The following SLC17A5 variants were observed in gnomAD, a reference collection of about 807,000 sequenced individuals.
SLC17A5 encodes the protein sialin.
SLC17A5 carries 47 observed loss-of-function variants against 59.4 expected under a neutral mutation model. The ratio of observed to expected loss-of-function variants is 0.79; its 90% CI spans 0.63 to 1.01. SLC17A5 has a LOEUF of 1.01. Among genes scored for constraint, SLC17A5 ranks in the 50% least tolerant of loss-of-function variants. SLC17A5 has a pLI of 0.00. For missense variants in SLC17A5, 522 were observed against 595.5 expected, an observed-to-expected ratio of 0.88 and a Z score of 1.28; for synonymous variants, 202 against 210.7, an observed-to-expected ratio of 0.96 and a Z score of 0.36.
At chr6:73,620,837 T>C (rs1446889040) in intron 7 of SLC17A5, among the ~76,000 whole-genome samples, 1 of 151,820 alleles carries the variant, frequency 6.6e-6, no homozygotes, top group East Asian at 1.9e-4. Context: ...TTCTCGTGCC[T>C]CAGCCTCCCT....
At chr6:73,608,021 C>T (rs1187224259) in intron 9 of SLC17A5, among the ~76,000 whole-genome samples, 1 of 152,102 alleles carries the variant, frequency 6.6e-6, no homozygotes, top group Non-Finnish European at 1.5e-5. Context: ...AGGTGATCCA[C>T]CCGCCTCAGC....
intron 4 of SLC17A5, among the ~76,000 whole-genome samples, chr6:73,637,868 A>G (rs1389242725): frequency 6.6e-6 from 1 of 152,202 alleles, no homozygotes; most frequent in African/African-American, 2.4e-5. Context: ...AATCTGATAA[A>G]ATTATAATTC....
At chr6:73,641,661 G>A (rs1159353673) in intron 3 of SLC17A5, 30 bp downstream of exon 3, 1 of 1,472,828 alleles carries the variant, frequency 6.8e-7, no homozygotes, top group Non-Finnish European at 9.4e-7. Flanking sequence ...CACACGGTAA[G>A]AAGTAAAACA....
chr6:73,607,639 C>T (rs958128534), intron 9 of SLC17A5, among the ~76,000 whole-genome samples: 78 of 152,260 alleles, frequency 5.1e-4, no homozygotes, highest in African/African-American at 1.8e-3. Flanking sequence ...GGGGGGCCCT[C>T]ATCAGATTCC....
At chr6:73,596,088 G>A (rs1167081356) in intron 10 of SLC17A5, among the ~76,000 whole-genome samples, 1 of 151,834 alleles carries the variant, frequency 6.6e-6, no homozygotes, top group Non-Finnish European at 1.5e-5. Context: ...CTACAGGTGT[G>A]AGCCACCACG....
rs773917103 is a variant in SLC17A5 at position 73,636,720 on chromosome 6, A to G, written c.614-13T>C. The G allele has an allele frequency of 5.1e-6, 8 of 1,570,772 alleles. No homozygotes were observed. The highest frequency in any genetic ancestry group is 6.1e-6 in the Non-Finnish European group (7 of 1,140,542). ...CCAAGCTGTGCTCCTAGAACAACAC[A>G]TAAGACTATTTTATAAACTTTGGAG... On this transcript the variant is annotated splice_polypyrimidine_tract_variant and intron_variant, in intron 4 of 10. Coordinates refer to ENST00000355773, the MANE Select transcript of SLC17A5 (RefSeq NM_012434.5).
chr6:73,653,935 C>G lies in SLC17A5; in HGVS notation c.-49G>C, dbSNP rs1001639733. ...TCGCCACCTGGCAGAGAAGGGAGCG[C>G]CGGCCCGACAGCCCGAAGCCCCCGG... is the stretch of plus-strand genomic sequence containing the variant. On this transcript the variant is annotated 5_prime_UTR_variant, in exon 1 of 11. Coordinates refer to ENST00000355773, the MANE Select transcript of SLC17A5 (RefSeq NM_012434.5). The G allele has an allele frequency of 2.7e-6, 4 of 1,505,958 alleles. No homozygotes were observed. In the African/African-American group the frequency reaches 5.6e-5, roughly 21 times the overall value. The allele number at this position is 1,505,958 out of a possible 1,614,324, so 93.3% of individuals were successfully genotyped here.
intron 3 of SLC17A5, 21 bp downstream of exon 3, chr6:73,641,670 C>T: frequency 6.5e-7 from 1 of 1,537,982 alleles, no homozygotes; most frequent in South Asian, 1.2e-5. Flanking sequence ...AGAAGTAAAA[C>T]AAGAGAGAAA....
At chr6:73,609,638 T>C (rs1767557060) in intron 9 of SLC17A5, among the ~76,000 whole-genome samples, 1 of 152,234 alleles carries the variant, frequency 6.6e-6, no homozygotes, top group African/African-American at 2.4e-5. Flanking sequence ...AGGGAGTTTC[T>C]GCCTTCACAG....
chr6:73,600,515 T>C (rs906778341), intron 9 of SLC17A5, 74 bp from the exon 10 acceptor site: 2 of 1,236,660 alleles, frequency 1.6e-6, no homozygotes, highest in Admixed American at 2.0e-5. Flanking sequence ...CTTCTTTTTT[T>C]TTTTTTTTTT....
intron 6 of SLC17A5, among the ~76,000 whole-genome samples, chr6:73,634,380 C>A (rs1768904293): frequency 6.6e-6 from 1 of 152,024 alleles, no homozygotes; most frequent in Non-Finnish European, 1.5e-5. Flanking sequence ...TATCACGTAC[C>A]TTCCCAATTA....
intron 6 of SLC17A5, among the ~76,000 whole-genome samples, chr6:73,627,630 C>A (rs1031514851): frequency 2.0e-4 from 29 of 143,600 alleles, no homozygotes; most frequent in African/African-American, 8.2e-4. Flanking sequence ...ATTATGAAAG[C>A]ATTTTTTTTT....
At chr6:73,648,812 C>T (rs1440132312) in intron 1 of SLC17A5, among the ~76,000 whole-genome samples, 1 of 151,888 alleles carries the variant, frequency 6.6e-6, no homozygotes, top group Non-Finnish European at 1.5e-5. Flanking sequence ...CCAGTAGGGA[C>T]AGATGGAACA....
chr6:73,650,279 G>GCAGGTGGATCACGTGGT (rs1167795271), intron 1 of SLC17A5, among the ~76,000 whole-genome samples: 1 of 151,524 alleles, frequency 6.6e-6, no homozygotes, highest in Non-Finnish European at 1.5e-5. Context: ...GGAGGCCGAG[G>GCAGGTGGATCACGTGGT]CAGGTGGATC....
chr6:73,642,004 CATATAA>C lies in SLC17A5; in HGVS notation c.292-86_292-81del, dbSNP rs1432770190. The C allele has an allele frequency of 5.5e-5, 67 of 1,228,074 alleles. No homozygotes were observed. The East Asian group carries it at 1.4e-3, about 26-fold the overall frequency. The allele number at this position is 1,228,074 out of a possible 1,614,324, so 76.1% of individuals were successfully genotyped here. ...CTTTTCTCTTACTGGCATGTAAGTA[CATATAA>C]ATGAGATTTTGAACCACTATTTTGG... On this transcript the variant is annotated intron_variant, in intron 2 of 10. Transcript: ENST00000355773.
chr6:73,648,922 G>A lies in SLC17A5; in HGVS notation c.95-4319C>T, dbSNP rs547039364. 8.5e-5 allele frequency among the ~76,000 whole-genome samples: 13 copies of A among 152,124 alleles called. No individual in the cohort carries two copies. The South Asian group carries it at 1.0e-3, about 12-fold the overall frequency. ...AAATGATCTGCAGTATCTAGATTAT[G>A]TATTGTAGTAACTCTAAGAACTAAC... On this transcript the variant is annotated intron_variant, in intron 1 of 10. Transcript: ENST00000355773.
chr6:73,618,382 G>A (rs901372218), intron 7 of SLC17A5: 1 of 293,912 alleles, frequency 3.4e-6, no homozygotes, highest in Admixed American at 4.8e-5. Context: ...CTCTCCAGAA[G>A]AGGAGAAGAG....
intron 9 of SLC17A5, among the ~76,000 whole-genome samples, chr6:73,605,698 C>T (rs1189711475): frequency 6.6e-6 from 1 of 151,236 alleles, no homozygotes; most frequent in Non-Finnish European, 1.5e-5. Flanking sequence ...TGACTTTGGG[C>T]TGGGCATGGT....
chr6:73,630,415 T>C (rs1408012115), intron 6 of SLC17A5, among the ~76,000 whole-genome samples: 1 of 152,254 alleles, frequency 6.6e-6, no homozygotes, highest in Non-Finnish European at 1.5e-5. Context: ...TTTTTCTTGG[T>C]TGGATAACTG....
Sources: allele counts gnomAD v4.1 joint callset (sites outside exome capture counted in the v4.1 genomes callset), GRCh38; gene constraint gnomAD v4.1.1; transcripts MANE v1.5; gene names NCBI Gene and HGNC (gene_info 2026-07-23, HGNC 2026-07-21).